The following DOCK1 variants were observed in gnomAD, a reference collection of about 807,000 sequenced individuals.
The protein encoded by DOCK1 is dedicator of cytokinesis protein 1.
Under a neutral mutation model 262.7 loss-of-function variants are expected in DOCK1, and 138 were observed. That is an observed-to-expected ratio of 0.53 (90% CI 0.46 to 0.61). DOCK1 has a LOEUF of 0.61. DOCK1 is among the 20% of genes least tolerant of loss of function. The pLI is 0.00. For synonymous variants in DOCK1, 866 were observed against 867.4 expected (o/e 1.00, Z 0.03); for missense variants, 1,908 against 2,370.7 (o/e 0.80, Z 4.05).
intron 27 of DOCK1, among the ~76,000 whole-genome samples, chr10:127,219,204 T>C (rs887352710): frequency 6.6e-6 from 1 of 152,200 alleles, no homozygotes; most frequent in African/African-American, 2.4e-5. Flanking sequence ...GAAGAAACCA[T>C]AAATTCATCT....
At chr10:127,375,989 C>G (rs1203074322) in intron 35 of DOCK1, among the ~76,000 whole-genome samples, 1 of 152,266 alleles carries the variant, frequency 6.6e-6, no homozygotes, top group East Asian at 1.9e-4. Context: ...CCACTGGAGC[C>G]AGTACTAGAT....
At chr10:127,065,474 A>G (rs1413715109) in intron 23 of DOCK1, among the ~76,000 whole-genome samples, 1 of 151,992 alleles carries the variant, frequency 6.6e-6, no homozygotes, top group East Asian at 1.9e-4. Flanking sequence ...TTCCCACCTC[A>G]TGGTGGTTGT....
At position 127,338,855 on chromosome 10, in the gene DOCK1, A is replaced by T. The variant is rs902692883; in HGVS notation, c.3045-151A>T. The T allele has an allele frequency of 5.1e-6, 3 of 590,308 alleles. No homozygotes were observed. In the African/African-American group the frequency reaches 5.5e-5, roughly 11 times the overall value. The allele number at this position is 590,308 out of a possible 1,614,324, so 36.6% of individuals were successfully genotyped here. ...GAGAACATCTGCATATAATTCCGTG[A>T]TCTTTTCGTTGGCAAAACCTCACAG... On this transcript the variant is annotated intron_variant, in intron 29 of 51. Transcript: ENST00000623213.
At chr10:127,179,071 CA>C (rs547194588) in intron 27 of DOCK1, among the ~76,000 whole-genome samples, 17 of 152,134 alleles carry the variant, frequency 1.1e-4, no homozygotes, top group Non-Finnish European at 2.1e-4. Context: ...AGCATTTTTA[CA>C]AAAAGCAATT....
At chr10:127,296,163 C>T (rs186814095) in intron 29 of DOCK1, among the ~76,000 whole-genome samples, 8 of 152,230 alleles carry the variant, frequency 5.3e-5, no homozygotes, top group African/African-American at 7.2e-5. Flanking sequence ...GGAGCATTAC[C>T]TCTCTATACC....
chr10:127,149,809 T>G (rs1478632735), intron 27 of DOCK1, among the ~76,000 whole-genome samples: 1 of 152,166 alleles, frequency 6.6e-6, no homozygotes, highest in Non-Finnish European at 1.5e-5. Flanking sequence ...ATTTTGAAAT[T>G]CCTTTAAGCT....
At chr10:127,014,727 C>G (rs1242362171) in intron 12 of DOCK1, 1 of 152,214 alleles carries the variant, frequency 6.6e-6, no homozygotes, top group African/African-American at 2.4e-5. Flanking sequence ...AAGACCAGCT[C>G]CCTGTGAGCC....
intron 23 of DOCK1, among the ~76,000 whole-genome samples, chr10:127,072,631 G>T (rs575703995): frequency 5.9e-5 from 9 of 152,246 alleles, no homozygotes; most frequent in East Asian, 5.8e-4. Flanking sequence ...CCAGACTCTC[G>T]TATGGTTTGG....
intron 40 of DOCK1, among the ~76,000 whole-genome samples, chr10:127,407,567 T>A (rs2067590397): frequency 6.6e-6 from 1 of 152,254 alleles, no homozygotes; most frequent in South Asian, 2.1e-4. Context: ...TTAATCCTTT[T>A]GAAAATCCTT....
chr10:127,006,520 G>A (rs1355865676), intron 10 of DOCK1, among the ~76,000 whole-genome samples: 1 of 152,194 alleles, frequency 6.6e-6, no homozygotes, highest in Non-Finnish European at 1.5e-5. Context: ...TTGGTGTCAG[G>A]GACATCTTGT....
chr10:127,217,767 A>T (rs536657215), intron 27 of DOCK1, among the ~76,000 whole-genome samples: 1 of 152,348 alleles, frequency 6.6e-6, no homozygotes, highest in East Asian at 1.9e-4. Flanking sequence ...TGCCAAAGCC[A>T]ATGTCAAGAA....
intron 27 of DOCK1, among the ~76,000 whole-genome samples, chr10:127,200,605 T>C (rs2057409793): frequency 6.6e-6 from 1 of 152,168 alleles, no homozygotes; most frequent in Non-Finnish European, 1.5e-5. Context: ...GGTTTCACCA[T>C]GTTGCCCAGG....
chr10:127,110,537 T>C (rs879655834), intron 25 of DOCK1, among the ~76,000 whole-genome samples, 183 bp downstream of exon 25: 2 of 152,180 alleles, frequency 1.3e-5, no homozygotes, highest in Non-Finnish European at 2.9e-5. Context: ...ATGCAGGTAA[T>C]AGATCATTGA....
chr10:127,175,783 C>T lies in DOCK1; in HGVS notation c.2847+48019C>T. 1 of 1,614,142 alleles carries T rather than the reference C, an allele frequency of 6.2e-7. No homozygotes were observed. ...GTGGAGTTTTGGAGCGCAGCTTCTC[C>T]ATAGCTGAGCGGCTCCGGGCTTTTA... On this transcript the variant is annotated intron_variant, in intron 27 of 51. Coordinates refer to ENST00000623213, the MANE Select transcript of DOCK1 (RefSeq NM_001290223.2). The surrounding 1 kb of genome is among the most constrained non-coding windows in gnomAD (Gnocchi z 6.3).
intron 27 of DOCK1, among the ~76,000 whole-genome samples, chr10:127,217,567 G>A (rs1242829890): frequency 6.6e-6 from 1 of 152,130 alleles, no homozygotes; most frequent in African/African-American, 2.4e-5. Context: ...TTTCTTATCT[G>A]TTTGCAGAAC....
intron 29 of DOCK1, among the ~76,000 whole-genome samples, chr10:127,317,667 T>A (rs1487016230): frequency 6.6e-6 from 1 of 152,218 alleles, no homozygotes; most frequent in East Asian, 1.9e-4. Flanking sequence ...AGCAACTTAA[T>A]ACATGTCCGG....
At chr10:127,203,517 G>A (rs542967945) in intron 27 of DOCK1, among the ~76,000 whole-genome samples, 13 of 152,218 alleles carry the variant, frequency 8.5e-5, no homozygotes, top group Admixed American at 2.6e-4. Flanking sequence ...ACATTGGAAA[G>A]CAAGCATTTT....
At chr10:127,401,570 C>T (rs1254995636) in intron 38 of DOCK1, among the ~76,000 whole-genome samples, 1 of 152,132 alleles carries the variant, frequency 6.6e-6, no homozygotes, top group Non-Finnish European at 1.5e-5. Context: ...CAGTTAAACT[C>T]CGCCATTTTG....
At chr10:127,170,469 C>T (rs541533200) in intron 27 of DOCK1, among the ~76,000 whole-genome samples, 125 of 152,336 alleles carry the variant, frequency 8.2e-4, no homozygotes, top group Middle Eastern at 3.4e-3. Flanking sequence ...AAGCTTCTCA[C>T]GATCATTTCT....
Sources: gnomAD v4.1 joint callset for allele counts (sites outside exome capture counted in the v4.1 genomes callset) on GRCh38, gnomAD v4.1.1 for gene constraint, Gnocchi (gnomAD v3.1) non-coding constraint, MANE v1.5 for transcripts, NCBI Gene and HGNC (gene_info 2026-07-23, HGNC 2026-07-21) for gene names.